RIC3: variants seen among roughly 807,000 people sequenced by gnomAD.
RIC3 encodes RIC3 acetylcholine receptor chaperone.
A neutral mutation model predicts 27.3 loss-of-function variants in RIC3; 28 were observed. The observed-to-expected ratio is 1.02, with a 90% CI of 0.76 to 1.41. The LOEUF (loss-of-function observed/expected upper bound fraction) is 1.41, where lower values mean the gene tolerates loss of function less well. Among genes scored for constraint, RIC3 ranks in the 40% most tolerant of loss-of-function variants. RIC3 has a pLI of 0.00. For missense variants in RIC3, 501 were observed against 444.7 expected (o/e 1.13, Z -1.14); for synonymous variants, 184 against 160.4 (o/e 1.15, Z -1.11).
rs1175960213 is a variant in RIC3 at position 8,110,983 on chromosome 11, A to G, written c.825T>C (p.His275=). The change falls in exon 6 of 6, where the codon CAT becomes CAC. Residue 275 remains histidine, a synonymous_variant. Coordinates refer to ENST00000309737, the MANE Select transcript of RIC3 (RefSeq NM_001206671.4). ...MGMIEEEESD[H]LGWESLPTDP... ...CAGTGGGCAGACTTTCCCAACCCAA[A>G]TGATCTGATTCTTCCTCTTCTATCA... 1.2e-6 allele frequency: 2 copies of G among 1,614,192 alleles called. No individual in the cohort carries two copies. The highest frequency in any genetic ancestry group is 1.7e-6 in the Non-Finnish European group (2 of 1,180,028).
At chr11:8,145,608 AG>A (rs1412518716) in intron 1 of RIC3, among the ~76,000 whole-genome samples, 2 of 152,164 alleles carry the variant, frequency 1.3e-5, no homozygotes, top group Non-Finnish European at 2.9e-5. Context: ...CTCTTGAAAA[AG>A]GGGATCTTGT....
the RIC3 span, chr11:8,096,722 G>A: frequency 6.2e-7 from 1 of 1,613,974 alleles, no homozygotes; most frequent in Non-Finnish European, 8.5e-7. Flanking sequence ...AGGATGAGGA[G>A]GATGAGGAGG....
chr11:8,155,213 C>T (rs1950563542), intron 1 of RIC3, among the ~76,000 whole-genome samples: 1 of 118,434 alleles, frequency 8.4e-6, no homozygotes, highest in Non-Finnish European at 1.6e-5. Context: ...CAGGAGACCC[C>T]ATCTTAAAAA....
rs142583625 is a variant in RIC3 at position 8,128,634 on chromosome 11, G to A, written c.522-1827C>T. 1.3e-3 allele frequency among the ~76,000 whole-genome samples: 198 copies of A among 151,746 alleles called. 3 individuals are homozygous for A. The East Asian group carries it at 0.035, about 27-fold the overall frequency. Reference sequence around the variant, plus strand: ...GACACAATGCCATGATCACTGTTAAGAGCTCAATAATTACGTGTTAGTTTG... The same window carrying A: ...GACACAATGCCATGATCACTGTTAAAAGCTCAATAATTACGTGTTAGTTTG... On this transcript the variant is annotated intron_variant, in intron 4 of 5. Transcript: ENST00000309737.
chr11:8,155,975 G>C (rs1950622936), intron 1 of RIC3, among the ~76,000 whole-genome samples: 3 of 152,120 alleles, frequency 2.0e-5, no homozygotes, highest in Non-Finnish European at 2.9e-5. Context: ...CCTTCTACCT[G>C]ATTCTGCTTT....
At chr11:8,128,366 T>C in intron 4 of RIC3, 1 of 427,876 alleles carries the variant, frequency 2.3e-6, no homozygotes, top group South Asian at 1.7e-5. Context: ...TAAAAGAGGA[T>C]GGGTAGACTA....
chr11:8,119,955 GC>G (rs1230702750), intron 5 of RIC3, among the ~76,000 whole-genome samples: 1 of 152,120 alleles, frequency 6.6e-6, no homozygotes, highest in Non-Finnish European at 1.5e-5. Context: ...CTCATCACTG[GC>G]CATCAGAGAA....
chr11:8,124,108 A>AAAGCAAGCAAGCAAGC (rs201131362), intron 5 of RIC3, among the ~76,000 whole-genome samples: 2 of 150,618 alleles, frequency 1.3e-5, no homozygotes, highest in African/African-American at 4.9e-5. Context: ...AGAAAAAGAG[A>AAAGCAAGCAAGCAAGC]AAGCAAGCAA....
At chr11:8,158,524 T>G (rs1226914192) in intron 1 of RIC3, among the ~76,000 whole-genome samples, 1 of 151,762 alleles carries the variant, frequency 6.6e-6, no homozygotes, top group Admixed American at 6.6e-5. Context: ...CAGCTGACAA[T>G]GGAACAACTG....
At chr11:8,162,797 C>A (rs1316208390) in intron 1 of RIC3, among the ~76,000 whole-genome samples, 2 of 151,752 alleles carry the variant, frequency 1.3e-5, no homozygotes, top group Non-Finnish European at 2.9e-5. Flanking sequence ...AGGCGTGCAC[C>A]ATCAGACTGG....
Position 8,165,142 on chromosome 11 carries a change from C to T in RIC3, c.124+3724G>A, listed in dbSNP as rs143991324. Among the ~76,000 whole-genome samples the T allele has an allele frequency of 6.4e-3, 974 of 152,292 alleles. 22 individuals are homozygous for T. Among genetic ancestry groups the T allele is most frequent in the Admixed American group, 0.051 (781 of 15,290 alleles). Reference sequence around the variant, plus strand: ...GTAATAACCATACAACCTAGAAATTCCACGCTTAGTTCCAGCCACACTGGA... The same window carrying T: ...GTAATAACCATACAACCTAGAAATTTCACGCTTAGTTCCAGCCACACTGGA... On this transcript the variant is annotated intron_variant, in intron 1 of 5. Transcript: ENST00000309737.
In RIC3 at chr11:8,140,038, C is replaced by A. The variant is rs758396963; in HGVS notation, c.280G>T (p.Gly94Cys). 1 of 1,613,984 alleles carries A rather than the reference C, an allele frequency of 6.2e-7. No individual in the cohort carries two copies. The highest frequency in any genetic ancestry group is 8.5e-7 in the Non-Finnish European group (1 of 1,180,008). Residue 94 changes from glycine (G) to cysteine (C), a missense_variant, in exon 2 of 6, where the codon GGT becomes TGT. Gly to Cys is a radical substitution (Grantham distance 159, BLOSUM62 -3). Coordinates refer to ENST00000309737, the MANE Select transcript of RIC3 (RefSeq NM_001206671.4). ...ATTGGAATAATCTGCCCCATCAGAC[C>A]TCTTCCACTACCTCCTCCTCCAGCA... ...GGAGGGGSGR[G>C]LMGQIIPIYG...
chr11:8,100,612 A>G, the RIC3 span: 4 of 1,611,224 alleles, frequency 2.5e-6, no homozygotes, highest in Non-Finnish European at 3.4e-6. Flanking sequence ...GTGAGTGTCT[A>G]CCCCTTCCTC....
At chr11:8,124,108 AAAGCAAGC>A (rs201131362) in intron 5 of RIC3, among the ~76,000 whole-genome samples, 118 of 150,736 alleles carry the variant, frequency 7.8e-4, no homozygotes, top group Admixed American at 1.5e-3. Context: ...AGAAAAAGAG[AAAGCAAGC>A]AAGCAAGCAA....
chr11:8,128,370 T>G, intron 4 of RIC3: 1 of 422,816 alleles, frequency 2.4e-6, no homozygotes, highest in Admixed American at 2.8e-5. Context: ...AGAGGATGGG[T>G]AGACTACAGG....
the RIC3 span, chr11:8,100,857 A>G: frequency 3.1e-6 from 5 of 1,614,104 alleles, no homozygotes; most frequent in Non-Finnish European, 4.2e-6. Flanking sequence ...CGCTGGCAGA[A>G]TAAGAACACG....
chr11:8,133,160 C>T (rs1160177559), intron 4 of RIC3, among the ~76,000 whole-genome samples: 1 of 152,156 alleles, frequency 6.6e-6, no homozygotes, highest in Non-Finnish European at 1.5e-5. Flanking sequence ...TGGTGCCTCC[C>T]TCTTTTGTAT....
Position 8,110,227 on chromosome 11 carries a change from C to T in RIC3, c.*471G>A, listed in dbSNP as rs1945092230. ...CCATTAGCCCCACAAACAAAATGTT[C>T]TCTTCTCACCAGGGGACTACTAACC... On this transcript the variant is annotated 3_prime_UTR_variant, in exon 6 of 6. Coordinates refer to ENST00000309737, the MANE Select transcript of RIC3 (RefSeq NM_001206671.4). 2 of 233,534 alleles carry T rather than the reference C, an allele frequency of 8.6e-6. No homozygotes were observed. The highest frequency in any genetic ancestry group is 1.7e-5 in the Non-Finnish European group (2 of 117,914). The allele number at this position is 233,534 out of a possible 1,614,324, so 14.5% of individuals were successfully genotyped here.
the RIC3 span, among the ~76,000 whole-genome samples, chr11:8,100,248 A>T: frequency 6.6e-6 from 1 of 151,980 alleles, no homozygotes; most frequent in East Asian, 1.9e-4. Context: ...GAGTGTGACC[A>T]AGTAGTTTGC....
Sources: gnomAD v4.1 joint callset for allele counts (sites outside exome capture counted in the v4.1 genomes callset) on GRCh38, gnomAD v4.1.1 for gene constraint, MANE v1.5 for transcripts, NCBI Gene and HGNC (gene_info 2026-07-23, HGNC 2026-07-21) for gene names.